The following NCAM2 variants were observed in gnomAD, a reference collection of about 807,000 sequenced individuals.
The protein encoded by NCAM2 is N-CAM-2.
Under a neutral mutation model 98.1 loss-of-function variants are expected in NCAM2, and 30 were observed. That is an observed-to-expected ratio of 0.31 (90% CI 0.23 to 0.41). NCAM2 has a LOEUF of 0.41. Ranked by LOEUF, NCAM2 falls within the 10% of genes least tolerant of loss-of-function variation. The pLI is 1.00. For missense variants in NCAM2, 867 were observed against 1,005.8 expected (o/e 0.86, Z 1.87); for synonymous variants, 368 against 342.4 (o/e 1.07, Z -0.83).
chr21:21,533,872 A>G (rs1005068322), intron 16 of NCAM2, among the ~76,000 whole-genome samples: 1 of 151,914 alleles, frequency 6.6e-6, no homozygotes, highest in Non-Finnish European at 1.5e-5. Flanking sequence ...TTTGATAAAG[A>G]CGACATTGGA....
intron 1 of NCAM2, among the ~76,000 whole-genome samples, chr21:21,277,838 G>T (rs928198161): frequency 3.3e-5 from 5 of 151,956 alleles, no homozygotes; most frequent in Non-Finnish European, 7.4e-5. Context: ...TATGGCAGAT[G>T]AAATATATTG....
intron 1 of NCAM2, among the ~76,000 whole-genome samples, chr21:21,026,181 C>G (rs1273586962): frequency 6.6e-6 from 1 of 152,076 alleles, no homozygotes; most frequent in Admixed American, 6.6e-5. Flanking sequence ...GAGCCGGGCT[C>G]AGCATCTTCT....
At position 20,998,514 on chromosome 21, in the gene NCAM2, G is replaced by T. The variant is rs1486757024; in HGVS notation, c.-50G>T. On this transcript the variant is annotated 5_prime_UTR_variant, in exon 1 of 18. It adds an upstream start codon to the 5' untranslated region. Transcript: ENST00000400546. Reference sequence around the variant, plus strand: ...GGGGCAGCGAAAGGTTCTCTCTCCAGGGCTGGACTTAATAACTTTGAAACT... The same window carrying T: ...GGGGCAGCGAAAGGTTCTCTCTCCATGGCTGGACTTAATAACTTTGAAACT... 6.3e-7 allele frequency: 1 copy of T among 1,593,304 alleles called. No homozygotes were observed. The highest frequency in any genetic ancestry group is 8.6e-7 in the Non-Finnish European group (1 of 1,162,126).
intron 1 of NCAM2, among the ~76,000 whole-genome samples, chr21:21,147,485 C>T (rs1262985252): frequency 1.3e-5 from 2 of 151,640 alleles, no homozygotes; most frequent in Non-Finnish European, 2.9e-5. Context: ...TCATGACTCA[C>T]TGTAGCCTCA....
chr21:21,513,463 G>A (rs1042299845), intron 16 of NCAM2, among the ~76,000 whole-genome samples: 1 of 151,828 alleles, frequency 6.6e-6, no homozygotes, highest in African/African-American at 2.4e-5. Context: ...GGTCATTCAG[G>A]AGCATATTTT....
At chr21:21,124,086 TC>T (rs906981524) in intron 1 of NCAM2, among the ~76,000 whole-genome samples, 10 of 136 alleles carry the variant, frequency 0.074, no homozygotes, top group Admixed American at 0.21. Flanking sequence ...GACCTCATGA[TC>T]CGGCCCACCT....
intron 1 of NCAM2, among the ~76,000 whole-genome samples, chr21:21,268,705 G>A (rs534740879): frequency 1.3e-5 from 2 of 152,174 alleles, no homozygotes; most frequent in South Asian, 2.1e-4. Flanking sequence ...TTGCTTCATC[G>A]GAGAAGGGAT....
At position 21,290,404 on chromosome 21, in the gene NCAM2, G is replaced by A. The variant is rs1018572624; in HGVS notation, c.482-1700G>A. Among the ~76,000 whole-genome samples the A allele has an allele frequency of 4.6e-5, 7 of 151,794 alleles. No individual in the cohort carries two copies. In the East Asian group the frequency reaches 1.4e-3, roughly 30 times the overall value. On this transcript the variant is annotated intron_variant, in intron 4 of 17. Coordinates refer to ENST00000400546, the MANE Select transcript of NCAM2 (RefSeq NM_004540.5). ...GACTTTGAAACTTTATGAAGTTTCAGGAGTTTCTGGTTATTTCAGGACCAC... is the reference window on the plus strand; with the variant it reads ...GACTTTGAAACTTTATGAAGTTTCAAGAGTTTCTGGTTATTTCAGGACCAC...
intron 1 of NCAM2, among the ~76,000 whole-genome samples, chr21:21,257,578 T>TTG (rs1470659561): frequency 6.6e-6 from 1 of 152,140 alleles, no homozygotes; most frequent in Admixed American, 6.6e-5. Flanking sequence ...CCATGCAATG[T>TTG]TGACTCTTTT....
At chr21:21,470,613 G>C (rs1476311879) in intron 14 of NCAM2, among the ~76,000 whole-genome samples, 1 of 151,938 alleles carries the variant, frequency 6.6e-6, no homozygotes, top group Non-Finnish European at 1.5e-5. Context: ...AAAAGTGCCT[G>C]GTTTCTTCCC....
chr21:21,455,151 C>A (rs1981937370), intron 12 of NCAM2, among the ~76,000 whole-genome samples: 1 of 138,122 alleles, frequency 7.2e-6, no homozygotes, highest in Non-Finnish European at 1.5e-5. Context: ...CACATGGTTT[C>A]TTTCCCAAAT....
intron 1 of NCAM2, among the ~76,000 whole-genome samples, chr21:21,258,602 G>A (rs936429922): frequency 1.3e-5 from 2 of 152,154 alleles, no homozygotes; most frequent in African/African-American, 2.4e-5. Context: ...GTCAGTGGCA[G>A]TATAGGAACT....
intron 1 of NCAM2, among the ~76,000 whole-genome samples, chr21:21,273,135 A>G (rs770241185): frequency 1.4e-4 from 22 of 152,226 alleles, no homozygotes; most frequent in Admixed American, 5.9e-4. Context: ...TTCACCGTAT[A>G]TTGGCTGAGT....
At chr21:21,326,996 A>G (rs910288881) in intron 6 of NCAM2, among the ~76,000 whole-genome samples, 1 of 152,198 alleles carries the variant, frequency 6.6e-6, no homozygotes. Flanking sequence ...AAGCGAGATA[A>G]GTGAAGTCAG....
intron 1 of NCAM2, among the ~76,000 whole-genome samples, chr21:21,138,193 G>T (rs2826685): frequency 0.42 from 63,317 of 151,958 alleles, 13,744 homozygotes; most frequent in African/African-American, 0.54. Flanking sequence ...AGCAAGCACA[G>T]ATGTCTTCAC....
intron 1 of NCAM2, among the ~76,000 whole-genome samples, chr21:21,227,800 A>T (rs1046477333): frequency 6.6e-6 from 1 of 151,852 alleles, no homozygotes; most frequent in Non-Finnish European, 1.5e-5. Flanking sequence ...TCCCTGTCTC[A>T]GCCTACAAGT....
At chr21:21,003,976 A>G (rs1345233550) in intron 1 of NCAM2, among the ~76,000 whole-genome samples, 2 of 152,258 alleles carry the variant, frequency 1.3e-5, no homozygotes, top group African/African-American at 4.8e-5. Context: ...TTTTTGTATC[A>G]TGAATCCTTT....
chr21:21,486,170 G>A (rs898168977), intron 15 of NCAM2, among the ~76,000 whole-genome samples: 3 of 151,910 alleles, frequency 2.0e-5, no homozygotes, highest in Non-Finnish European at 2.9e-5. Flanking sequence ...CGGGCGTGGT[G>A]GCGGGCGCCT....
intron 12 of NCAM2, among the ~76,000 whole-genome samples, chr21:21,455,224 A>AAG (rs1981958153): frequency 6.6e-6 from 1 of 151,304 alleles, no homozygotes; most frequent in Admixed American, 6.6e-5. Context: ...AAAAAAAAAA[A>AAG]AAAAAAAAGT....
Sources: allele counts gnomAD v4.1 joint callset (sites outside exome capture counted in the v4.1 genomes callset), GRCh38; gene constraint gnomAD v4.1.1; transcripts MANE v1.5; gene names NCBI Gene and HGNC (gene_info 2026-07-23, HGNC 2026-07-21).